CTNNA2: variants seen among roughly 807,000 people sequenced by gnomAD.
The protein encoded by CTNNA2 is catenin alpha-2.
CTNNA2 carries 42 observed loss-of-function variants against 101.0 expected under a neutral mutation model. The observed-to-expected ratio is 0.42, with a 90% CI of 0.32 to 0.54. CTNNA2 has a LOEUF of 0.54. CTNNA2 is among the 20% of genes least tolerant of loss of function. CTNNA2 has a pLI of 0.14. For missense variants in CTNNA2, 871 were observed against 1,223.1 expected, an observed-to-expected ratio of 0.71 and a Z score of 4.29; for synonymous variants, 450 against 456.4, an observed-to-expected ratio of 0.99 and a Z score of 0.18.
At chr2:79,353,672 G>T (rs923455987) in intron 3 of CTNNA2, among the ~76,000 whole-genome samples, 3 of 152,104 alleles carry the variant, frequency 2.0e-5, no homozygotes, top group African/African-American at 7.2e-5. Flanking sequence ...TTACATTCAA[G>T]ATTAATATTG....
intron 12 of CTNNA2, among the ~76,000 whole-genome samples, chr2:80,571,092 A>G (rs903860392): frequency 1.3e-5 from 2 of 152,108 alleles, no homozygotes; most frequent in Admixed American, 1.3e-4. Flanking sequence ...CCTCCTCCCC[A>G]TCTCTTCCTC....
intron 5 of CTNNA2, among the ~76,000 whole-genome samples, 166 bp from the exon 6 acceptor site, chr2:79,873,910 A>G (rs1414336564): frequency 6.6e-6 from 1 of 152,134 alleles, no homozygotes; most frequent in Non-Finnish European, 1.5e-5. Context: ...TCTCTATAAA[A>G]CAGACAAACA....
chr2:79,631,720 A>T (rs1679709855), intron 1 of CTNNA2, among the ~76,000 whole-genome samples: 1 of 152,174 alleles, frequency 6.6e-6, no homozygotes, highest in Non-Finnish European at 1.5e-5. Flanking sequence ...TACTTTCTAA[A>T]GCAGAAAAAA....
intron 9 of CTNNA2, among the ~76,000 whole-genome samples, chr2:80,493,245 G>A (rs1022552617): frequency 6.6e-6 from 1 of 152,166 alleles, no homozygotes; most frequent in Non-Finnish European, 1.5e-5. Context: ...GTAAGAAGGA[G>A]AAAGAATTGT....
chr2:80,531,509 C>G (rs1367164234), intron 9 of CTNNA2, among the ~76,000 whole-genome samples: 1 of 152,202 alleles, frequency 6.6e-6, no homozygotes, highest in East Asian at 1.9e-4. Context: ...GTTGATGGTG[C>G]TACATTGAGA....
At chr2:79,586,883 T>C (rs530094128) in intron 1 of CTNNA2, among the ~76,000 whole-genome samples, 1 of 151,238 alleles carries the variant, frequency 6.6e-6, no homozygotes, top group East Asian at 2.0e-4. Context: ...TGCATCCTCA[T>C]GGCTTAGCTT....
intron 18 of CTNNA2, among the ~76,000 whole-genome samples, chr2:80,646,847 G>A (rs1441461141): frequency 6.6e-6 from 1 of 152,074 alleles, no homozygotes; most frequent in African/African-American, 2.4e-5. Flanking sequence ...ACCTGTGCTA[G>A]TTACTGGACC....
At chr2:80,187,891 CT>C (rs975923158) in intron 7 of CTNNA2, among the ~76,000 whole-genome samples, 2 of 151,468 alleles carry the variant, frequency 1.3e-5, no homozygotes, top group African/African-American at 4.8e-5. Context: ...CCATATGTAT[CT>C]TTTTTTTCTT....
Position 79,982,718 on chromosome 2 carries a change from GT to G in CTNNA2, c.1056+72928del, listed in dbSNP as rs545249635. Among the ~76,000 whole-genome samples, 356 of 151,926 alleles carry G rather than the reference GT, an allele frequency of 2.3e-3. 2 individuals carry two copies. Among genetic ancestry groups the G allele is most frequent in the African/African-American group, 8.3e-3 (343 of 41,430 alleles). On this transcript the variant is annotated intron_variant, in intron 7 of 18. Coordinates refer to ENST00000402739, the MANE Select transcript of CTNNA2 (RefSeq NM_001282597.3). Reference sequence around the variant, plus strand: ...TTGGTCTGTCGTCCTCAGTGCTTGCGTTTTTTTCTCTGGGAAATTTTGCTTT... The same window carrying G: ...TTGGTCTGTCGTCCTCAGTGCTTGCGTTTTTTCTCTGGGAAATTTTGCTTT...
chr2:79,904,060 C>T (rs1685251346), intron 6 of CTNNA2, among the ~76,000 whole-genome samples: 1 of 152,082 alleles, frequency 6.6e-6, no homozygotes, highest in Non-Finnish European at 1.5e-5. Flanking sequence ...ACCTCCTAGC[C>T]CATCTGCATT....
chr2:79,552,050 C>T (rs1558723064), intron 1 of CTNNA2, among the ~76,000 whole-genome samples: 3 of 152,122 alleles, frequency 2.0e-5, no homozygotes, highest in South Asian at 4.1e-4. Flanking sequence ...CTTAACTCAT[C>T]CCAGCATTAA....
chr2:79,598,623 T>C (rs1430718718), intron 1 of CTNNA2, among the ~76,000 whole-genome samples: 2 of 152,240 alleles, frequency 1.3e-5, no homozygotes, highest in Non-Finnish European at 2.9e-5. Flanking sequence ...TGAGATATCT[T>C]TTAAGGTCTT....
chr2:79,414,209 G>A (rs1421048204), intron 4 of CTNNA2, among the ~76,000 whole-genome samples: 2 of 151,662 alleles, frequency 1.3e-5, no homozygotes, highest in Admixed American at 1.3e-4. Context: ...TAAAATTGAG[G>A]GCAACAACTA....
chr2:79,868,604 T>G (rs1240532115), intron 4 of CTNNA2, among the ~76,000 whole-genome samples: 1 of 152,268 alleles, frequency 6.6e-6, no homozygotes, highest in Non-Finnish European at 1.5e-5. Flanking sequence ...TAGTTGTCAT[T>G]TGTGTTTCCG....
At chr2:79,270,326 T>C (rs1390393631) in intron 2 of CTNNA2, among the ~76,000 whole-genome samples, 3 of 152,072 alleles carry the variant, frequency 2.0e-5, no homozygotes, top group Non-Finnish European at 4.4e-5. Context: ...AGCCTGCAGC[T>C]CTTCTTCTCT....
At chr2:79,832,906 C>A (rs1374907506) in intron 3 of CTNNA2, among the ~76,000 whole-genome samples, 2 of 152,154 alleles carry the variant, frequency 1.3e-5, no homozygotes, top group Non-Finnish European at 2.9e-5. Context: ...AATTTTAAAC[C>A]TTATTTGTTT....
At chr2:79,545,973 G>C (rs1348947617) in intron 1 of CTNNA2, among the ~76,000 whole-genome samples, 2 of 152,144 alleles carry the variant, frequency 1.3e-5, no homozygotes, top group Admixed American at 6.5e-5. Context: ...GTTTAGCAGA[G>C]AAGGATGTGT....
intron 7 of CTNNA2, among the ~76,000 whole-genome samples, chr2:80,193,131 C>A (rs969517494): frequency 1.3e-5 from 2 of 152,156 alleles, no homozygotes; most frequent in Admixed American, 1.3e-4. Context: ...AAACCCTTGA[C>A]CTTTATCTTA....
At chr2:79,488,743 T>C (rs1671181892) in intron 4 of CTNNA2, among the ~76,000 whole-genome samples, 1 of 152,142 alleles carries the variant, frequency 6.6e-6, no homozygotes, top group Non-Finnish European at 1.5e-5. Context: ...CTGCACAAAT[T>C]CTATACAAAT....
Sources: gnomAD v4.1 joint callset for allele counts (sites outside exome capture counted in the v4.1 genomes callset) on GRCh38, gnomAD v4.1.1 for gene constraint, MANE v1.5 for transcripts, NCBI Gene and HGNC (gene_info 2026-07-23, HGNC 2026-07-21) for gene names.